CNTNAP4: variants seen among roughly 807,000 people sequenced by gnomAD.
CNTNAP4 encodes the protein contactin-associated protein-like 4.
Under a neutral mutation model 148.4 loss-of-function variants are expected in CNTNAP4, and 98 were observed. The ratio of observed to expected loss-of-function variants is 0.66; its 90% CI spans 0.56 to 0.78. CNTNAP4 has a LOEUF of 0.78. Among genes scored for constraint, CNTNAP4 ranks in the 30% least tolerant of loss-of-function variants. The pLI is 0.00. For missense variants in CNTNAP4, 1,935 were observed against 1,565.6 expected (o/e 1.24, Z -3.98); for synonymous variants, 730 against 565.1 (o/e 1.29, Z -4.14).
At chr16:76,383,794 G>C (rs999109567) in intron 3 of CNTNAP4, among the ~76,000 whole-genome samples, 1 of 152,020 alleles carries the variant, frequency 6.6e-6, no homozygotes, top group Non-Finnish European at 1.5e-5. Flanking sequence ...TAAAATAATC[G>C]AGTTGTAAAG....
intron 3 of CNTNAP4, among the ~76,000 whole-genome samples, chr16:76,417,364 C>T (rs4270196): frequency 0.38 from 57,594 of 150,966 alleles, 11,167 homozygotes; most frequent in Middle Eastern, 0.49. Context: ...CTGTATCAGT[C>T]ATACTTTAAA....
At chr16:76,350,465 A>G (rs1475493634) in intron 2 of CNTNAP4, among the ~76,000 whole-genome samples, 9 of 152,164 alleles carry the variant, frequency 5.9e-5, no homozygotes, top group African/African-American at 2.2e-4. Context: ...GCACTGGATA[A>G]TTTTTAGTTT....
chr16:76,445,921 A>T (rs569280083), intron 4 of CNTNAP4, among the ~76,000 whole-genome samples: 1 of 152,326 alleles, frequency 6.6e-6, no homozygotes, highest in Non-Finnish European at 1.5e-5. Context: ...TAATAATCAT[A>T]GGATGCATTA....
intron 2 of CNTNAP4, among the ~76,000 whole-genome samples, chr16:76,322,819 CTTTTTATTT>C (rs374049998): frequency 1.2e-4 from 18 of 150,860 alleles, no homozygotes; most frequent in Middle Eastern, 3.4e-3. Flanking sequence ...CAATTTATTC[CTTTTTATTT>C]TATTTTTTAT....
intron 2 of CNTNAP4, among the ~76,000 whole-genome samples, chr16:76,353,025 G>T (rs2012039731): frequency 6.6e-6 from 1 of 152,140 alleles, no homozygotes; most frequent in Non-Finnish European, 1.5e-5. Flanking sequence ...AAGCATAAAG[G>T]TAGATAATAT....
chr16:76,496,083 T>TG (rs2082390137), intron 14 of CNTNAP4, among the ~76,000 whole-genome samples: 9 of 41,486 alleles, frequency 2.2e-4, no homozygotes, highest in East Asian at 1.3e-3. Context: ...ATCAAGATTA[T>TG]GTTGTGTGTG....
At chr16:76,289,325 G>C (rs563287685) in intron 1 of CNTNAP4, among the ~76,000 whole-genome samples, 1 of 152,130 alleles carries the variant, frequency 6.6e-6, no homozygotes, top group East Asian at 1.9e-4. Flanking sequence ...ATCCAGTTTG[G>C]ACTTCAAGTC....
intron 2 of CNTNAP4, among the ~76,000 whole-genome samples, chr16:76,331,808 A>G (rs1371229519): frequency 6.6e-6 from 1 of 152,168 alleles, no homozygotes; most frequent in Non-Finnish European, 1.5e-5. Context: ...TGTAGTTTCC[A>G]TACAGTGTTC....
chr16:76,339,474 TACTC>T (rs1323590639), intron 2 of CNTNAP4, among the ~76,000 whole-genome samples: 2 of 152,078 alleles, frequency 1.3e-5, no homozygotes, highest in Non-Finnish European at 2.9e-5. Flanking sequence ...ATTCAGCAAA[TACTC>T]ATTTATTCAT....
chr16:76,401,789 A>G (rs1235642491), intron 3 of CNTNAP4, among the ~76,000 whole-genome samples: 2 of 152,188 alleles, frequency 1.3e-5, no homozygotes, highest in East Asian at 1.9e-4. Flanking sequence ...TTCCACATCT[A>G]TTGAGATAAT....
chr16:76,376,970 T>C (rs1250669008), intron 3 of CNTNAP4, among the ~76,000 whole-genome samples: 1 of 150,378 alleles, frequency 6.6e-6, no homozygotes, highest in Non-Finnish European at 1.5e-5. Flanking sequence ...TATACATACA[T>C]GTATGGAGGT....
At chr16:76,312,511 C>T (rs1177312421) in intron 1 of CNTNAP4, among the ~76,000 whole-genome samples, 1 of 152,128 alleles carries the variant, frequency 6.6e-6, no homozygotes, top group Admixed American at 6.5e-5. Context: ...TTACTCCACA[C>T]TGATTATTAC....
intron 4 of CNTNAP4, among the ~76,000 whole-genome samples, chr16:76,439,141 G>GCA (rs1352217685): frequency 6.6e-6 from 1 of 151,956 alleles, no homozygotes; most frequent in African/African-American, 2.4e-5. Flanking sequence ...GTTCACTGTA[G>GCA]CAACAGCAGC....
chr16:76,442,599 T>C (rs2080087724), intron 4 of CNTNAP4, among the ~76,000 whole-genome samples: 1 of 152,040 alleles, frequency 6.6e-6, no homozygotes, highest in African/African-American at 2.4e-5. Flanking sequence ...AAAAGGGATG[T>C]GGAAAAGTGC....
chr16:76,363,110 A>G (rs2013644143), intron 3 of CNTNAP4, among the ~76,000 whole-genome samples: 1 of 151,386 alleles, frequency 6.6e-6, no homozygotes, highest in Non-Finnish European at 1.5e-5. Flanking sequence ...AACAAATGCT[A>G]CTGGGTAAAC....
intron 18 of CNTNAP4, among the ~76,000 whole-genome samples, chr16:76,536,011 C>G (rs936699057): frequency 6.6e-6 from 1 of 152,080 alleles, no homozygotes; most frequent in Non-Finnish European, 1.5e-5. Flanking sequence ...ATATTTGACT[C>G]ATTTATGAAA....
chr16:76,538,597 TTATTA>T lies in CNTNAP4; in HGVS notation c.3220+264_3220+268del, dbSNP rs544853414. On this transcript the variant is annotated intron_variant, in intron 19 of 23. Coordinates refer to ENST00000611870, the MANE Select transcript of CNTNAP4 (RefSeq NM_033401.5). ...GTATAATTTTATTTATATAAAACAT[TTATTA>T]TATTATTGTTAGAAGCTCCTTGACT... Among the ~76,000 whole-genome samples the T allele has an allele frequency of 8.3e-4, 126 of 152,096 alleles. 2 individuals carry two copies. In the South Asian group the frequency reaches 8.9e-3, roughly 11 times the overall value.
intron 15 of CNTNAP4, among the ~76,000 whole-genome samples, chr16:76,500,053 G>A (rs1009930593): frequency 2.0e-5 from 3 of 152,148 alleles, no homozygotes; most frequent in East Asian, 1.9e-4. Flanking sequence ...ATCATGGCCC[G>A]TTCTCAATGA....
At chr16:76,486,262 C>G (rs926743635) in intron 12 of CNTNAP4, among the ~76,000 whole-genome samples, 1 of 151,954 alleles carries the variant, frequency 6.6e-6, no homozygotes, top group Non-Finnish European at 1.5e-5. Context: ...AAAGTAAAAT[C>G]ATGATTCTCA....
Sources: allele counts gnomAD v4.1 joint callset (sites outside exome capture counted in the v4.1 genomes callset), GRCh38; gene constraint gnomAD v4.1.1; transcripts MANE v1.5; gene names NCBI Gene and HGNC (gene_info 2026-07-23, HGNC 2026-07-21).